PDE4B: variants seen among roughly 807,000 people sequenced by gnomAD.
PDE4B encodes the protein 3',5'-cyclic-AMP phosphodiesterase 4B.
PDE4B carries 20 observed loss-of-function variants against 82.2 expected under a neutral mutation model. That is an observed-to-expected ratio of 0.24 (90% confidence interval 0.17 to 0.35). The LOEUF (loss-of-function observed/expected upper bound fraction) is 0.35, where lower values mean the gene tolerates loss of function less well. Ranked by LOEUF, PDE4B falls within the 10% of genes least tolerant of loss-of-function variation. PDE4B has a pLI of 1.00. For missense variants in PDE4B, 655 were observed against 907.2 expected (o/e 0.72, Z 3.57); for synonymous variants, 320 against 318.9 (o/e 1.00, Z -0.04).
chr1:65,905,841 G>A (rs1647022812), intron 1 of PDE4B, among the ~76,000 whole-genome samples: 1 of 152,072 alleles, frequency 6.6e-6, no homozygotes, highest in Non-Finnish European at 1.5e-5. Context: ...GTTCAGTATT[G>A]TAGGATGAAT....
chr1:66,051,688 G>A lies in PDE4B; in HGVS notation c.281+132853G>A, dbSNP rs72918256. The stretch of plus-strand genomic sequence containing the variant: ...TTGACCTTCAAAAACATCTCAAATA[G>A]GGTTGATATTATTTGGTTATTTGCT... On this transcript the variant is annotated intron_variant, in intron 3 of 16. Transcript: ENST00000341517. Among the ~76,000 whole-genome samples the A allele has an allele frequency of 8.4e-3, 1,274 of 152,102 alleles. 16 individuals are homozygous for A. The highest frequency in any genetic ancestry group is 0.029 in the African/African-American group (1,191 of 41,518).
intron 7 of PDE4B, among the ~76,000 whole-genome samples, chr1:66,293,524 T>C (rs1657264815): frequency 6.6e-6 from 1 of 152,122 alleles, no homozygotes; most frequent in Non-Finnish European, 1.5e-5. Context: ...GCTGAAATCA[T>C]TTACCATCTC....
At chr1:66,207,287 T>C (rs1401457648) in intron 3 of PDE4B, among the ~76,000 whole-genome samples, 1 of 152,198 alleles carries the variant, frequency 6.6e-6, no homozygotes, top group Non-Finnish European at 1.5e-5. Flanking sequence ...GTTATAATAT[T>C]CATTAATTAA....
chr1:65,797,257 A>G, intron 1 of PDE4B, among the ~76,000 whole-genome samples: 1 of 152,166 alleles, frequency 6.6e-6, no homozygotes, highest in Admixed American at 6.5e-5. Context: ...CCCGGCCAAC[A>G]TTTTTAGAAT....
rs200525052 is a variant in PDE4B at position 66,198,406 on chromosome 1, CA to C, written c.282-49047del. ...TTATAAAAGTAACAAAAAACATAAA[CA>C]AAAAAATCATTTGTATTTGACAAAA... On this transcript the variant is annotated intron_variant, in intron 3 of 16. Transcript: ENST00000341517. 7.1e-3 allele frequency among the ~76,000 whole-genome samples: 1,083 copies of C among 151,968 alleles called. 14 individuals are homozygous for C. Among genetic ancestry groups the C allele is most frequent in the African/African-American group, 0.024 (1,009 of 41,472 alleles).
At chr1:66,179,830 G>GATCCTAGAA (rs1647022364) in intron 3 of PDE4B, among the ~76,000 whole-genome samples, 1 of 152,152 alleles carries the variant, frequency 6.6e-6, no homozygotes, top group Admixed American at 6.5e-5. Flanking sequence ...GTCTAAGTGT[G>GATCCTAGAA]ATTCTAGAAC....
intron 3 of PDE4B, among the ~76,000 whole-genome samples, chr1:65,937,150 G>A (rs776336098): frequency 6.6e-6 from 1 of 152,168 alleles, no homozygotes; most frequent in Non-Finnish European, 1.5e-5. Flanking sequence ...CTGCCTGAGG[G>A]CTGTGCTTTG....
intron 7 of PDE4B, among the ~76,000 whole-genome samples, chr1:66,324,226 C>T (rs1256965094): frequency 1.3e-5 from 2 of 152,062 alleles, no homozygotes; most frequent in East Asian, 1.9e-4. Context: ...TTATAACAGG[C>T]CCAGTGGTTT....
At chr1:66,039,006 T>A (rs1357021120) in intron 3 of PDE4B, among the ~76,000 whole-genome samples, 1 of 151,944 alleles carries the variant, frequency 6.6e-6, no homozygotes, top group Admixed American at 6.6e-5. Flanking sequence ...TTATTGCAAC[T>A]CCCCCAGAAT....
chr1:66,273,564 A>G (rs899844497), intron 7 of PDE4B, among the ~76,000 whole-genome samples: 2 of 152,194 alleles, frequency 1.3e-5, no homozygotes, highest in Non-Finnish European at 1.5e-5. Context: ...AACTCACCCA[A>G]AATTACTGTT....
intron 3 of PDE4B, among the ~76,000 whole-genome samples, chr1:65,958,031 G>A (rs780073606): frequency 6.6e-6 from 1 of 151,942 alleles, no homozygotes; most frequent in Non-Finnish European, 1.5e-5. Flanking sequence ...GTTTAGTACA[G>A]TGCTGAAAAG....
At chr1:65,970,759 G>A (rs915304974) in intron 3 of PDE4B, among the ~76,000 whole-genome samples, 4 of 152,024 alleles carry the variant, frequency 2.6e-5, no homozygotes, top group Admixed American at 1.3e-4. Context: ...GGGGAAGAAA[G>A]GAAGGAGAAC....
intron 8 of PDE4B, among the ~76,000 whole-genome samples, chr1:66,349,542 A>G (rs1661667110): frequency 6.6e-6 from 1 of 152,238 alleles, no homozygotes; most frequent in African/African-American, 2.4e-5. Flanking sequence ...ATTATGGAAC[A>G]CTAGCTGATT....
chr1:66,372,802 T>C lies in PDE4B; in HGVS notation c.*124T>C, dbSNP rs2050832390. The C allele has an allele frequency of 2.1e-6, 2 of 965,362 alleles. No homozygotes were observed. 59.8% of individuals were successfully genotyped at this position (965,362 alleles called of 1,614,324 possible). ...AAGGGCCACCTGGCCTTTCAGTTAC[T>C]TGAGTTTGGAGTCAGAAAGCAAGAC... On this transcript the variant is annotated 3_prime_UTR_variant, in exon 17 of 17. Coordinates refer to ENST00000341517, the MANE Select transcript of PDE4B (RefSeq NM_002600.4).
chr1:66,151,867 G>C (rs1048718467), intron 3 of PDE4B, among the ~76,000 whole-genome samples: 1 of 152,114 alleles, frequency 6.6e-6, no homozygotes, highest in Non-Finnish European at 1.5e-5. Flanking sequence ...CCAGAATGAG[G>C]CTCTCCCCAG....
chr1:65,891,168 T>A (rs973302010), intron 1 of PDE4B, among the ~76,000 whole-genome samples: 1 of 152,154 alleles, frequency 6.6e-6, no homozygotes, highest in African/African-American at 2.4e-5. Flanking sequence ...TTGTTACCTG[T>A]GGTGTATTGC....
chr1:66,195,893 T>A (rs2101500711), intron 3 of PDE4B, among the ~76,000 whole-genome samples: 1 of 152,144 alleles, frequency 6.6e-6, no homozygotes, highest in African/African-American at 2.4e-5. Context: ...GTGGTATTGA[T>A]TGCATGATAA....
intron 3 of PDE4B, among the ~76,000 whole-genome samples, chr1:66,054,919 C>G (rs189923264): frequency 6.6e-6 from 1 of 152,028 alleles, no homozygotes; most frequent in Non-Finnish European, 1.5e-5. Context: ...AATATTGTGC[C>G]GATAAAACTG....
chr1:65,804,200 T>C (rs1645727502), intron 1 of PDE4B, among the ~76,000 whole-genome samples: 2 of 152,238 alleles, frequency 1.3e-5, no homozygotes, highest in African/African-American at 4.8e-5. Flanking sequence ...GATGAGTGTT[T>C]ACATGAAATT....
Sources: allele counts gnomAD v4.1 joint callset (sites outside exome capture counted in the v4.1 genomes callset), GRCh38; gene constraint gnomAD v4.1.1; transcripts MANE v1.5; gene names NCBI Gene and HGNC (gene_info 2026-07-23, HGNC 2026-07-21).